Variants in FRMD4A observed in about 807,000 individuals in gnomAD.
FRMD4A encodes the protein FERM domain containing 4A, also known as FERM domain-containing protein 4A.
FRMD4A carries 29 observed loss-of-function variants against 129.1 expected under a neutral mutation model. The observed-to-expected ratio is 0.22, with a 90% CI of 0.17 to 0.31. FRMD4A has a LOEUF of 0.31. Ranked by LOEUF, FRMD4A falls within the 10% of genes least tolerant of loss-of-function variation. The pLI, the probability that FRMD4A is intolerant of heterozygous loss-of-function variation, is 1.00. For synonymous variants in FRMD4A, 634 were observed against 571.6 expected, an observed-to-expected ratio of 1.11 and a Z score of -1.56; for missense variants, 1,272 against 1,375.8, an observed-to-expected ratio of 0.92 and a Z score of 1.19.
At chr10:14,276,911 C>T (rs1470582939) in intron 2 of FRMD4A, among the ~76,000 whole-genome samples, 1 of 152,202 alleles carries the variant, frequency 6.6e-6, no homozygotes, top group Non-Finnish European at 1.5e-5. Flanking sequence ...CTCTGCCAGG[C>T]TGGAGTGCAG....
rs767179821 is a variant in FRMD4A, at chr10:13,693,930, A to C, written c.1085T>G (p.Ile362Ser). The part of the protein sequence containing the change: ...LANMGSKGKI[I>S]SGSSGSLLSS... The stretch of plus-strand genomic sequence containing the variant: ...CAGCAGGCTGCCGCTGCTGCCGCTG[A>C]TGATCTTCCCCTTGCTACCCATGTT... Residue 362 changes from isoleucine to serine, a missense_variant, in exon 15 of 25, where the codon ATC (isoleucine) becomes AGC (serine). Ile to Ser is a moderately radical substitution (Grantham distance 142). Around this residue, in one of 2 missense-constraint regions of FRMD4A, gnomAD observed 300 missense variants for 483.6 expected, o/e 0.62. Transcript: ENST00000357447. The C allele has an allele frequency of 1.9e-6, 3 of 1,607,248 alleles. No individual in the cohort carries two copies. The highest frequency in any genetic ancestry group is 3.4e-5 in the Admixed American group (2 of 58,336).
intron 3 of FRMD4A, among the ~76,000 whole-genome samples, chr10:13,819,577 C>G (rs1288818606): frequency 6.6e-6 from 1 of 152,086 alleles, no homozygotes; most frequent in Non-Finnish European, 1.5e-5. Flanking sequence ...TGGTGGTCCC[C>G]AAAAACATAT....
intron 2 of FRMD4A, among the ~76,000 whole-genome samples, chr10:14,298,057 T>C (rs955482820): frequency 2.1e-4 from 32 of 152,226 alleles, no homozygotes; most frequent in African/African-American, 7.2e-4. Context: ...AATAAAGTTT[T>C]ATTGGAACAT....
intron 2 of FRMD4A, among the ~76,000 whole-genome samples, chr10:14,311,613 C>T (rs1846552429): frequency 7.0e-6 from 1 of 143,284 alleles, no homozygotes; most frequent in Non-Finnish European, 1.5e-5. Flanking sequence ...TCTCTCTCCC[C>T]TCTCCATCTT....
intron 2 of FRMD4A, among the ~76,000 whole-genome samples, chr10:14,086,323 A>G (rs765771703): frequency 7.6e-4 from 115 of 152,316 alleles, no homozygotes; most frequent in Non-Finnish European, 1.3e-3. Context: ...TAATTTTGAG[A>G]ATTCAGCTCT....
intron 12 of FRMD4A, chr10:13,728,034 C>T (rs7098631): frequency 0.73 from 110,335 of 152,058 alleles, 40,785 homozygotes; most frequent in Middle Eastern, 0.81. Context: ...GACAGGCACT[C>T]GGACAACACG....
intron 4 of FRMD4A, among the ~76,000 whole-genome samples, chr10:13,810,077 C>CAG (rs36074024): frequency 4.6e-4 from 69 of 150,052 alleles, no homozygotes; most frequent in South Asian, 1.9e-3. Context: ...ATCTGGAAGA[C>CAG]AGAGAGAGAG....
At chr10:13,730,982 C>G (rs1015179096) in intron 12 of FRMD4A, among the ~76,000 whole-genome samples, 2 of 151,192 alleles carry the variant, frequency 1.3e-5, no homozygotes, top group African/African-American at 4.9e-5. Context: ...GAGCCAATAT[C>G]GTGCCACTGC....
At chr10:13,884,198 A>ACACGCACACTCACACACTCACACT (rs2094588784) in intron 2 of FRMD4A, among the ~76,000 whole-genome samples, 4 of 65,140 alleles carry the variant, frequency 6.1e-5, no homozygotes, top group African/African-American at 1.2e-4. Flanking sequence ...ACACACACTC[A>ACACGCACACTCACACACTCACACT]CACACACACT....
intron 2 of FRMD4A, among the ~76,000 whole-genome samples, chr10:13,885,828 G>A (rs529643450): frequency 6.6e-6 from 1 of 152,300 alleles, no homozygotes; most frequent in South Asian, 2.1e-4. Flanking sequence ...CCAATAAAAG[G>A]GGATTGAGAA....
At chr10:14,319,349 C>CTCTCTCTCTCTCTCTCTCTCTCTCTCTCT (rs1554809202) in intron 2 of FRMD4A, among the ~76,000 whole-genome samples, 1 of 137,302 alleles carries the variant, frequency 7.3e-6, no homozygotes, top group East Asian at 2.1e-4. Flanking sequence ...ATCTCTCTCT[C>CTCTCTCTCTCTCTCTCTCTCTCTCTCTCT]CTCTCTCTCT....
intron 2 of FRMD4A, 103 bp downstream of exon 2, chr10:14,329,955 T>C (rs1156758237): frequency 1.9e-5 from 20 of 1,064,080 alleles, no homozygotes; most frequent in East Asian, 1.6e-4. Context: ...AGCGGAGCAA[T>C]GTTGAACATG....
chr10:14,020,179 C>T (rs913717524), intron 2 of FRMD4A, among the ~76,000 whole-genome samples: 5 of 152,140 alleles, frequency 3.3e-5, no homozygotes, highest in Admixed American at 2.6e-4. Context: ...TTTGCAGGTG[C>T]GAGCTTGTGC....
intron 15 of FRMD4A, chr10:13,685,125 TAGAG>T: frequency 1.0e-6 from 1 of 984,542 alleles, no homozygotes; most frequent in Non-Finnish European, 1.2e-6. Context: ...GGGACTGTTA[TAGAG>T]AATTAGATGT....
chr10:13,886,698 AGC>A (rs750593523), intron 2 of FRMD4A, among the ~76,000 whole-genome samples: 99 of 152,086 alleles, frequency 6.5e-4, no homozygotes, highest in Non-Finnish European at 1.1e-3. Flanking sequence ...CTCCCATTTT[AGC>A]CTCCTGGAGC....
At chr10:14,132,427 G>A (rs1473803554) in intron 2 of FRMD4A, among the ~76,000 whole-genome samples, 2 of 152,230 alleles carry the variant, frequency 1.3e-5, no homozygotes, top group Non-Finnish European at 2.9e-5. Context: ...CAAATGTGGA[G>A]AGGGGAGGCT....
chr10:14,121,289 A>C (rs1838500189), intron 2 of FRMD4A, among the ~76,000 whole-genome samples: 1 of 152,188 alleles, frequency 6.6e-6, no homozygotes, highest in Non-Finnish European at 1.5e-5. Flanking sequence ...AATTGCCTGA[A>C]CCTGGGAGGC....
intron 2 of FRMD4A, among the ~76,000 whole-genome samples, chr10:14,132,353 C>T (rs1839304562): frequency 6.6e-6 from 1 of 152,144 alleles, no homozygotes. Flanking sequence ...CCCAGAGCCA[C>T]AGTTTTCTCC....
chr10:13,650,190 G>A (rs146038816), intron 24 of FRMD4A, among the ~76,000 whole-genome samples: 45 of 152,336 alleles, frequency 3.0e-4, no homozygotes, highest in African/African-American at 1.1e-3. Flanking sequence ...GGGCTGCTGG[G>A]AGGGAGGAAT....
Sources: gnomAD v4.1 joint callset for allele counts (sites outside exome capture counted in the v4.1 genomes callset) on GRCh38, gnomAD v4.1.1 for gene constraint, gnomAD v4.1.1 regional missense constraint, MANE v1.5 for transcripts, NCBI Gene and HGNC (gene_info 2026-07-23, HGNC 2026-07-21) for gene names.